POU6F2: variants seen among roughly 807,000 people sequenced by gnomAD.
POU6F2 encodes POU class 6 homeobox 2.
Under a neutral mutation model 71.3 loss-of-function variants are expected in POU6F2, and 31 were observed. The observed-to-expected ratio is 0.43, with a 90% CI of 0.33 to 0.59. The LOEUF (loss-of-function observed/expected upper bound fraction) is 0.59. Ranked by LOEUF, POU6F2 falls within the 20% of genes least tolerant of loss-of-function variation. POU6F2 has a pLI of 0.04. For missense variants in POU6F2, 783 were observed against 856.8 expected (o/e 0.91, Z 1.07); for synonymous variants, 347 against 355.7 (o/e 0.98, Z 0.27).
At chr7:39,129,799 C>A (rs188929514) in intron 2 of POU6F2, among the ~76,000 whole-genome samples, 6 of 152,190 alleles carry the variant, frequency 3.9e-5, no homozygotes. Flanking sequence ...CGCTGTGGCT[C>A]ACGCCTGGGA....
intron 2 of POU6F2, among the ~76,000 whole-genome samples, chr7:39,125,740 T>G (rs867037877): frequency 7.0e-6 from 1 of 143,882 alleles, no homozygotes; most frequent in South Asian, 2.5e-4. Context: ...GCATATACAT[T>G]TGTTAAAAAA....
chr7:39,396,573 G>T (rs1313628087), intron 5 of POU6F2, among the ~76,000 whole-genome samples: 1 of 152,128 alleles, frequency 6.6e-6, no homozygotes, highest in Non-Finnish European at 1.5e-5. Context: ...TGAAGTCCAG[G>T]CTTCGTGAAG....
intron 5 of POU6F2, among the ~76,000 whole-genome samples, chr7:39,400,919 C>T (rs1369383899): frequency 1.3e-5 from 2 of 152,106 alleles, no homozygotes; most frequent in African/African-American, 4.8e-5. Context: ...ATTAGGACCA[C>T]AGACAATTTG....
At position 39,204,258 on chromosome 7, in the gene POU6F2, T is replaced by C. The variant is rs1366779807; in HGVS notation, c.301T>C (p.Ser101Pro). Reference protein sequence around the residue: ...LFGARGNPALSDPGTPDQHQA... With the variant: ...LFGARGNPALPDPGTPDQHQA... The stretch of plus-strand genomic sequence containing the variant: ...AGGGGCTAGAGGAAACCCAGCATTA[T>C]CAGACCCAGGCACTCCTGACCAACA... Residue 101 changes from serine to proline, a missense_variant, in exon 3 of 10, where the codon TCA (serine) becomes CCA (proline). Physicochemically the swap from Ser to Pro is moderately conservative, Grantham distance 74 (BLOSUM62 -1). This residue lies in a region of POU6F2 where 572 missense variants were observed against 572.9 expected (regional missense o/e 1.00). Transcript: ENST00000518318. 1.2e-6 allele frequency: 2 copies of C among 1,613,782 alleles called. No homozygotes were observed. The highest frequency in any genetic ancestry group is 1.7e-6 in the Non-Finnish European group (2 of 1,179,830).
At position 39,467,992 on chromosome 7, in the gene POU6F2, T is replaced by C. The variant is rs1789112565; in HGVS notation, c.*3306T>C. 1 of 152,190 alleles carries C rather than the reference T, an allele frequency of 6.6e-6. No individual in the cohort carries two copies. The highest frequency in any genetic ancestry group is 2.1e-4 in the South Asian group (1 of 4,834). 9.4% of individuals were successfully genotyped at this position (152,190 alleles called of 1,614,324 possible). On this transcript the variant is annotated 3_prime_UTR_variant, in exon 10 of 10. Coordinates refer to ENST00000518318, the MANE Select transcript of POU6F2 (RefSeq NM_001370959.1). ...AAATACAAACTGTTCATCAATGTTT[T>C]ACCTCAGCACTCTACTTGTACCCAG...
chr7:39,433,007 T>C (rs895966524), intron 6 of POU6F2, 70 bp from the exon 7 acceptor site: 14 of 1,512,872 alleles, frequency 9.3e-6, no homozygotes, highest in Non-Finnish European at 1.3e-5. Flanking sequence ...GACCAGGCAC[T>C]GCATGGTCTT....
intron 1 of POU6F2, among the ~76,000 whole-genome samples, chr7:39,084,735 A>G (rs928084980): frequency 2.0e-5 from 3 of 152,166 alleles, no homozygotes; most frequent in Non-Finnish European, 4.4e-5. Context: ...AAACACAGGC[A>G]TACCGCAACC....
Position 39,464,036 on chromosome 7 carries a change from G to C in POU6F2, c.1659-146G>C. The stretch of plus-strand genomic sequence containing the variant: ...CATGGAGCACGCTGGGAGGGTGGGC[G>C]CTGGCTTGGGCAGGGCTGGCTACCT... On this transcript the variant is annotated intron_variant, in intron 9 of 9. Transcript: ENST00000518318. This position sits in a 1 kb window ranked among gnomAD's most constrained non-coding sequence, Gnocchi z 4.1. 1 of 1,025,940 alleles carries C rather than the reference G, an allele frequency of 9.7e-7. No individual in the cohort carries two copies. Among genetic ancestry groups the C allele is most frequent in the South Asian group, 1.6e-5 (1 of 64,440 alleles). 63.6% of individuals were successfully genotyped at this position (1,025,940 alleles called of 1,614,324 possible).
chr7:39,028,457 T>C (rs1012633302), intron 1 of POU6F2, among the ~76,000 whole-genome samples: 3 of 152,148 alleles, frequency 2.0e-5, no homozygotes, highest in Admixed American at 6.6e-5. Flanking sequence ...CTTTGCTGTC[T>C]TAATTACTAC....
At chr7:39,407,387 A>G (rs1249522389) in intron 6 of POU6F2, among the ~76,000 whole-genome samples, 1 of 150,746 alleles carries the variant, frequency 6.6e-6, no homozygotes, top group African/African-American at 2.4e-5. Flanking sequence ...TCATGTCATG[A>G]GAGAGGGTCT....
chr7:39,159,645 A>G (rs193157437), intron 2 of POU6F2, among the ~76,000 whole-genome samples: 206 of 152,332 alleles, frequency 1.4e-3, no homozygotes, highest in African/African-American at 4.5e-3. Context: ...ATATATTAAA[A>G]TGGGCATTAT....
chr7:39,044,169 C>T (rs1347768557), intron 1 of POU6F2, among the ~76,000 whole-genome samples: 1 of 151,914 alleles, frequency 6.6e-6, no homozygotes, highest in Non-Finnish European at 1.5e-5. Flanking sequence ...AAAGAATGTA[C>T]TTAAGCTGTG....
At chr7:39,100,908 G>A (rs569860170) in intron 2 of POU6F2, among the ~76,000 whole-genome samples, 11 of 152,000 alleles carry the variant, frequency 7.2e-5, no homozygotes, top group South Asian at 6.2e-4. Context: ...GGGCTACCTC[G>A]TACACAGGAA....
At chr7:39,078,249 T>C (rs1791037571) in intron 1 of POU6F2, among the ~76,000 whole-genome samples, 1 of 152,212 alleles carries the variant, frequency 6.6e-6, no homozygotes, top group South Asian at 2.1e-4. Flanking sequence ...TTTAGATGAA[T>C]CTAGCATACC....
intron 8 of POU6F2, among the ~76,000 whole-genome samples, chr7:39,459,061 C>G (rs562689986): frequency 2.0e-5 from 3 of 152,248 alleles, no homozygotes; most frequent in Non-Finnish European, 4.4e-5. Context: ...GATGCCAACC[C>G]CCTATAGACT....
At chr7:39,107,902 C>A (rs1452022659) in intron 2 of POU6F2, among the ~76,000 whole-genome samples, 1 of 152,182 alleles carries the variant, frequency 6.6e-6, no homozygotes. Flanking sequence ...TTTATTCTCT[C>A]TCCCCTTCCT....
chr7:39,461,057 A>G (rs1788938351), intron 9 of POU6F2, among the ~76,000 whole-genome samples: 1 of 152,102 alleles, frequency 6.6e-6, no homozygotes, highest in South Asian at 2.1e-4. Context: ...TTCTGAGCAA[A>G]TGTTGTAAAG....
At chr7:39,025,458 A>T (rs1352738712) in intron 1 of POU6F2, among the ~76,000 whole-genome samples, 2 of 152,138 alleles carry the variant, frequency 1.3e-5, no homozygotes, top group African/African-American at 4.8e-5. Context: ...ATCTACAACT[A>T]TCTGTTCTTT....
At chr7:39,001,550 T>A (rs1788905813) in intron 1 of POU6F2, among the ~76,000 whole-genome samples, 2 of 152,170 alleles carry the variant, frequency 1.3e-5, no homozygotes, top group Non-Finnish European at 2.9e-5. Context: ...GGATGGGAAA[T>A]CTACTTTAGA....
Sources: gnomAD v4.1 joint callset for allele counts (sites outside exome capture counted in the v4.1 genomes callset) on GRCh38, gnomAD v4.1.1 for gene constraint, gnomAD v4.1.1 regional missense constraint, Gnocchi (gnomAD v3.1) non-coding constraint, MANE v1.5 for transcripts, NCBI Gene and HGNC (gene_info 2026-07-23, HGNC 2026-07-21) for gene names.